UNC45B: variants seen among roughly 807,000 people sequenced by gnomAD.
UNC45B encodes the protein protein unc-45 homolog B.
A neutral mutation model predicts 98.7 loss-of-function variants in UNC45B; 78 were observed. The ratio of observed to expected loss-of-function variants is 0.79; its 90% confidence interval spans 0.66 to 0.95. UNC45B has a LOEUF of 0.95. Among genes scored for constraint, UNC45B ranks in the 40% least tolerant of loss-of-function variants. The pLI, the probability that UNC45B is intolerant of heterozygous loss-of-function variation, is 0.00. For missense variants in UNC45B, 1,225 were observed against 1,184.9 expected, an observed-to-expected ratio of 1.03 and a Z score of -0.50; for synonymous variants, 462 against 480.4, an observed-to-expected ratio of 0.96 and a Z score of 0.50.
Position 35,188,941 on chromosome 17 carries a change from C to CA in UNC45B, c.*2382_*2383insA, listed in dbSNP as rs981065596. On this transcript the variant is annotated 3_prime_UTR_variant, in exon 20 of 20. Coordinates refer to ENST00000394570, the MANE Select transcript of UNC45B (RefSeq NM_001267052.2). ...TAAGAGGGCCCTTCTTTGCAGATTT[C>CA]TTTTTTTTTTCATCTATGCTTTCAA... 1 of 148,694 alleles carries CA rather than the reference C, an allele frequency of 6.7e-6. No individual in the cohort carries two copies. The highest frequency in any genetic ancestry group is 1.5e-5 in the Non-Finnish European group (1 of 66,958). 9.2% of individuals were successfully genotyped at this position (148,694 alleles called of 1,614,324 possible).
At chr17:35,167,993 C>T in intron 9 of UNC45B, 68 bp from the exon 10 acceptor site, 2 of 1,366,198 alleles carry the variant, frequency 1.5e-6, no homozygotes, top group Non-Finnish European at 1.9e-6. Context: ...ATCCTACTGC[C>T]TCCAAATCTC....
intron 4 of UNC45B, among the ~76,000 whole-genome samples, chr17:35,152,303 C>G (rs1480374627): frequency 2.0e-5 from 3 of 151,728 alleles, no homozygotes; most frequent in African/African-American, 7.3e-5. Context: ...GTAGTGTGGA[C>G]CCCCCCAAAC....
At chr17:35,183,649 C>T (rs1317478787) in intron 19 of UNC45B, 67 bp downstream of exon 19, 11 of 1,405,608 alleles carry the variant, frequency 7.8e-6, no homozygotes, top group East Asian at 5.1e-5. Flanking sequence ...CCACAGACCA[C>T]ACTGGATGAT....
chr17:35,171,957 A>G (rs947291184), intron 13 of UNC45B, among the ~76,000 whole-genome samples: 3 of 152,062 alleles, frequency 2.0e-5, no homozygotes, highest in African/African-American at 7.3e-5. Flanking sequence ...TTAAGAATAT[A>G]TGCAAGATAT....
Position 35,149,966 on chromosome 17 carries a change from T to C in UNC45B, c.206-82T>C, listed in dbSNP as rs2092004481. The C allele has an allele frequency of 2.8e-6, 4 of 1,404,642 alleles. No individual in the cohort carries two copies. The Admixed American group carries it at 9.7e-5, about 34-fold the overall frequency. 87.0% of individuals were successfully genotyped at this position (1,404,642 alleles called of 1,614,324 possible). ...AAGACACAGAAACGAAGCAAGAGCA[T>C]GCTTCCTGGAGTTGGGGCAGTGGGG... On this transcript the variant is annotated intron_variant, in intron 3 of 19. Coordinates refer to ENST00000394570, the MANE Select transcript of UNC45B (RefSeq NM_001267052.2).
intron 4 of UNC45B, 97 bp downstream of exon 4, chr17:35,150,320 AG>A (rs1192070263): frequency 9.1e-5 from 122 of 1,341,818 alleles, no homozygotes; most frequent in Non-Finnish European, 1.2e-4. Context: ...GGGCAGGGCT[AG>A]CCCTACCTCC....
In UNC45B at chr17:35,157,037, G is replaced by T. The variant is rs1395888099; in HGVS notation, c.808+1573G>T. Among the ~76,000 whole-genome samples, 4 of 152,190 alleles carry T rather than the reference G, an allele frequency of 2.6e-5. No homozygotes were observed. The East Asian group carries it at 7.7e-4, about 29-fold the overall frequency. ...CATCAATTTAGAAGATATTGCTCTG[G>T]CTGGGAGGGCCAAAGAGGCAGGTTC... On this transcript the variant is annotated intron_variant, in intron 7 of 19. Transcript: ENST00000394570.
At chr17:35,163,182 G>C (rs546584058) in intron 8 of UNC45B, among the ~76,000 whole-genome samples, 3 of 152,254 alleles carry the variant, frequency 2.0e-5, no homozygotes, top group Non-Finnish European at 4.4e-5. Context: ...CTCTTGGCAC[G>C]TAGTAAGTGC....
rs1368330694 is a variant in UNC45B at position 35,155,291 on chromosome 17, T to C, written c.640-5T>C. 2 of 1,613,570 alleles carry C rather than the reference T, an allele frequency of 1.2e-6. No individual in the cohort carries two copies. The highest frequency in any genetic ancestry group is 1.7e-6 in the Non-Finnish European group (2 of 1,179,750). ...AGCTGACCATGGTTCTTGCTGGGGT[T>C]CTAGGCCACAGTGATTCTGCATGCA... On this transcript the variant is annotated splice_polypyrimidine_tract_variant and splice_region_variant and intron_variant, in intron 6 of 19. Coordinates refer to ENST00000394570, the MANE Select transcript of UNC45B (RefSeq NM_001267052.2).
rs552775229 is a variant in UNC45B, at chr17:35,159,469, C to T, written c.903C>T (p.Asn301=). The change falls in exon 8 of 20, where the codon AAC becomes AAT. Residue 301 remains asparagine (N), a synonymous_variant. Coordinates refer to ENST00000394570, the MANE Select transcript of UNC45B (RefSeq NM_001267052.2). ...GCCAGGGCAGGGATCAGGCGCTGAA[C>T]CTGCTCAATAAGAATGTTCCCAGGA... ...VSGQGRDQAL[N]LLNKNVPRKD... 6.2e-7 allele frequency: 1 copy of T among 1,614,172 alleles called. No individual in the cohort carries two copies. The highest frequency in any genetic ancestry group is 8.5e-7 in the Non-Finnish European group (1 of 1,180,026).
chr17:35,174,927 G>GAGAA (rs778663846), intron 14 of UNC45B, among the ~76,000 whole-genome samples: 7 of 136,422 alleles, frequency 5.1e-5, no homozygotes, highest in African/African-American at 1.4e-4. Context: ...AGGGAGGAAG[G>GAGAA]AGAAAGAAAG....
intron 8 of UNC45B, among the ~76,000 whole-genome samples, chr17:35,162,247 C>T (rs919788260): frequency 2.6e-5 from 4 of 152,126 alleles, no homozygotes; most frequent in African/African-American, 9.7e-5. Flanking sequence ...TTGAGGCTGG[C>T]ATCCGAAGGA....
chr17:35,174,339 T>A lies in UNC45B; in HGVS notation c.1928T>A (p.Leu643His), dbSNP rs1227274674. 1 of 1,614,068 alleles carries A rather than the reference T, an allele frequency of 6.2e-7. No homozygotes were observed. The highest frequency in any genetic ancestry group is 8.5e-7 in the Non-Finnish European group (1 of 1,180,012). Reference sequence around the variant, plus strand: ...ATGGTGAAAGCAGATAGTGCCATCCTCACTGACCAGACCAAGGAGCTGCTG... The same window carrying A: ...ATGGTGAAAGCAGATAGTGCCATCCACACTGACCAGACCAAGGAGCTGCTG... ...ACMVKADSAI[L>H]TDQTKELLAR... Residue 643 changes from leucine to histidine, a missense_variant, in exon 14 of 20, where the codon CTC (leucine) becomes CAC (histidine). Transcript: ENST00000394570.
chr17:35,180,488 G>C, intron 17 of UNC45B, 71 bp from the exon 18 acceptor site: 1 of 1,202,182 alleles, frequency 8.3e-7, no homozygotes, highest in South Asian at 1.3e-5. Flanking sequence ...ATGGTCCCTG[G>C]GTGGCCAGAA....
In UNC45B at chr17:35,164,007, T is replaced by A. The variant is rs1369699671; in HGVS notation, c.992T>A (p.Ile331Asn). 2 of 1,613,164 alleles carry A rather than the reference T, an allele frequency of 1.2e-6. No individual in the cohort carries two copies. The highest frequency in any genetic ancestry group is 2.2e-5 in the East Asian group (1 of 44,834). The part of the protein sequence containing the change: ...IYVVDNGLRK[I>N]LKVVGQVPDL... Reference sequence around the variant, plus strand: ...GTCTACCCTGCAGGTCTGAGGAAGATCCTGAAGGTTGTGGGGCAGGTTCCA... The same window carrying A: ...GTCTACCCTGCAGGTCTGAGGAAGAACCTGAAGGTTGTGGGGCAGGTTCCA... The change falls in exon 9 of 20, where the codon ATC (isoleucine) becomes AAC (asparagine). Residue 331 changes from isoleucine (I) to asparagine (N), a missense_variant. Transcript: ENST00000394570.
chr17:35,152,835 G>A, intron 4 of UNC45B, 58 bp from the exon 5 acceptor site: 1 of 1,275,850 alleles, frequency 7.8e-7, no homozygotes. Flanking sequence ...ACTGAATGTG[G>A]AGCTGAAATG....
chr17:35,183,731 G>A (rs571488616), intron 19 of UNC45B, 149 bp downstream of exon 19: 2 of 903,028 alleles, frequency 2.2e-6, no homozygotes, highest in African/African-American at 3.4e-5. Context: ...CCTAAGGAGA[G>A]GAGGGTTTAT....
intron 8 of UNC45B, among the ~76,000 whole-genome samples, chr17:35,160,039 T>C (rs1428193369): frequency 3.3e-5 from 5 of 152,094 alleles, no homozygotes; most frequent in African/African-American, 7.2e-5. Flanking sequence ...ACAGAAACAG[T>C]CTGTGGTCTG....
chr17:35,154,762 C>A, intron 6 of UNC45B, 21 bp downstream of exon 6: 1 of 1,555,178 alleles, frequency 6.4e-7, no homozygotes, highest in Non-Finnish European at 8.6e-7. Flanking sequence ...GGCTGTGGGG[C>A]ATGTGGAGCA....
Sources: allele counts gnomAD v4.1 joint callset (sites outside exome capture counted in the v4.1 genomes callset), GRCh38; gene constraint gnomAD v4.1.1; transcripts MANE v1.5; gene names NCBI Gene and HGNC (gene_info 2026-07-23, HGNC 2026-07-21).